Variants in STON2 observed in about 807,000 individuals in gnomAD.
STON2 encodes stonin-2.
A neutral mutation model predicts 65.7 loss-of-function variants in STON2; 29 were observed. The observed-to-expected ratio is 0.44, with a 90% confidence interval of 0.33 to 0.60. STON2 has a LOEUF of 0.60. Ranked by LOEUF, STON2 falls within the 20% of genes least tolerant of loss-of-function variation. The pLI, the probability that STON2 is intolerant of heterozygous loss-of-function variation, is 0.03. For missense variants in STON2, 1,054 were observed against 1,118.1 expected (o/e 0.94, Z 0.82); for synonymous variants, 404 against 414.2 (o/e 0.98, Z 0.30).
intron 4 of STON2, among the ~76,000 whole-genome samples, chr14:81,338,985 G>A (rs1897485860): frequency 1.3e-5 from 2 of 152,158 alleles, no homozygotes; most frequent in Admixed American, 1.3e-4. Flanking sequence ...AGACCCAAAG[G>A]AGTAAAGCAA....
intron 3 of STON2, among the ~76,000 whole-genome samples, chr14:81,371,735 A>C (rs1213276221): frequency 6.6e-6 from 1 of 151,654 alleles, no homozygotes; most frequent in East Asian, 1.9e-4. Context: ...CCAATCAAAG[A>C]AAATCTCACT....
At position 81,262,028 on chromosome 14, in the gene STON2, T is replaced by G; in HGVS notation, c.*6386A>C. 1 of 1,370,234 alleles carries G rather than the reference T, an allele frequency of 7.3e-7. No individual in the cohort carries two copies. The highest frequency in any genetic ancestry group is 1.5e-5 in the African/African-American group (1 of 68,342). 84.9% of individuals were successfully genotyped at this position (1,370,234 alleles called of 1,614,324 possible). A position where few individuals can be genotyped will look rare whatever the true frequency, so the allele number is the denominator to read the frequency against. On this transcript the variant is annotated 3_prime_UTR_variant, in exon 8 of 8. Coordinates refer to ENST00000614646, the MANE Select transcript of STON2 (RefSeq NM_001394390.1). ...TTCCAATCTTCAAAATTTAAATTTC[T>G]TGGTTCTTATAAACATAGGAAGAGT...
intron 5 of STON2, among the ~76,000 whole-genome samples, chr14:81,293,376 G>A (rs905873796): frequency 6.6e-6 from 1 of 152,050 alleles, no homozygotes; most frequent in African/African-American, 2.4e-5. Flanking sequence ...GTTTCACTAT[G>A]TTGGCCAGGA....
intron 3 of STON2, among the ~76,000 whole-genome samples, chr14:81,385,043 C>CT (rs1291802694): frequency 6.6e-6 from 1 of 152,174 alleles, no homozygotes; most frequent in Non-Finnish European, 1.5e-5. Context: ...TGTTAGGCAA[C>CT]TTCAACGTGG....
At chr14:81,293,416 C>T (rs1394975219) in intron 5 of STON2, among the ~76,000 whole-genome samples, 1 of 152,106 alleles carries the variant, frequency 6.6e-6, no homozygotes, top group East Asian at 1.9e-4. Context: ...TTGTGATCTA[C>T]CTGCCTCGGC....
At chr14:81,406,135 G>A (rs956729800) in intron 2 of STON2, among the ~76,000 whole-genome samples, 10 of 152,116 alleles carry the variant, frequency 6.6e-5, no homozygotes, top group Admixed American at 2.6e-4. Flanking sequence ...CCACACTGTC[G>A]GCTTCCCTAC....
intron 5 of STON2, among the ~76,000 whole-genome samples, chr14:81,322,913 A>G (rs1238064386): frequency 6.6e-6 from 1 of 152,228 alleles, no homozygotes; most frequent in Non-Finnish European, 1.5e-5. Flanking sequence ...CCTGTGCTGC[A>G]TATTCAGAGT....
In STON2 at chr14:81,400,261, T is replaced by C. The variant is rs537467294; in HGVS notation, c.-199+18A>G. On this transcript the variant is annotated intron_variant, in intron 1 of 7. Coordinates refer to ENST00000614646, the MANE Select transcript of STON2 (RefSeq NM_001394390.1). ...GCAAACAGCCTGGAGAGAGCAGGTC[T>C]CCCAAACCAGATCTTACCAGAGAGC... 6.6e-6 allele frequency among the ~76,000 whole-genome samples: 1 copy of C among 152,130 alleles called. No homozygotes were observed. Among genetic ancestry groups the C allele is most frequent in the East Asian group, 1.9e-4 (1 of 5,172 alleles).
chr14:81,325,883 C>A (rs1318451730), intron 4 of STON2, among the ~76,000 whole-genome samples: 2 of 152,022 alleles, frequency 1.3e-5, no homozygotes, highest in Non-Finnish European at 2.9e-5. Context: ...GGACTCACAC[C>A]CCTGTAAACA....
intron 6 of STON2, among the ~76,000 whole-genome samples, chr14:81,273,546 G>C (rs1251758266): frequency 6.6e-6 from 1 of 152,186 alleles, no homozygotes; most frequent in Admixed American, 6.5e-5. Flanking sequence ...CTAAGATTAA[G>C]AAAAACTCTT....
chr14:81,395,743 C>T, intron 3 of STON2, 151 bp downstream of exon 3: 1 of 743,626 alleles, frequency 1.3e-6, no homozygotes. Context: ...AGAATTAAAC[C>T]AGATGAGAAC....
At position 81,277,560 on chromosome 14, in the gene STON2, C is replaced by T. The variant is rs755008666; in HGVS notation, c.1922G>A (p.Ser641Asn). 2 of 1,614,090 alleles carry T rather than the reference C, an allele frequency of 1.2e-6. No homozygotes were observed. The highest frequency in any genetic ancestry group is 2.7e-5 in the African/African-American group (2 of 74,926). Reference protein sequence around the residue: ...DVRDEFSGIVSKGDNQILQHH... With the variant: ...DVRDEFSGIVNKGDNQILQHH... ...CTGGAGAATCTGGTTGTCTCCTTTG[C>T]TCACAATGCCAGAGAATTCATCTCT... The change falls in exon 6 of 8, where the codon AGC (serine) becomes AAC (asparagine). Residue 641 changes from serine (S) to asparagine (N), a missense_variant. Coordinates refer to ENST00000614646, the MANE Select transcript of STON2 (RefSeq NM_001394390.1).
At chr14:81,332,547 G>A (rs1424321654) in intron 4 of STON2, among the ~76,000 whole-genome samples, 1 of 152,102 alleles carries the variant, frequency 6.6e-6, no homozygotes, top group African/African-American at 2.4e-5. Flanking sequence ...TTCCCCACAT[G>A]GGCTTGAGTA....
At position 81,270,265 on chromosome 14, in the gene STON2, T is replaced by C. The variant is rs148466170; in HGVS notation, c.2784+405A>G. The C allele has an allele frequency of 1.1e-3, 603 of 561,070 alleles. 4 individuals are homozygous for C. In the African/African-American group the frequency reaches 0.012, roughly 11 times the overall value. The allele number at this position is 561,070 out of a possible 1,614,324, so 34.8% of individuals were successfully genotyped here. On this transcript the variant is annotated intron_variant, in intron 7 of 7. Transcript: ENST00000614646. ...CATGCCCGGCTAATTTTGTACTTTT[T>C]ATAGAGATGGGGTTTCGCCATGTTG...
intron 5 of STON2, among the ~76,000 whole-genome samples, chr14:81,300,728 T>C (rs1268720228): frequency 1.3e-5 from 2 of 152,274 alleles, no homozygotes; most frequent in East Asian, 3.9e-4. Context: ...GAGTATAAAA[T>C]GGTAAAATCA....
rs370617091 is a variant in STON2, at chr14:81,306,268, C to T, written c.742+17749G>A. ...TTTTTGAGATGGAGTTTCACTCAGT[C>T]GCCCAGGCTGGAGTGCGGTGGTGTG... On this transcript the variant is annotated intron_variant, in intron 5 of 7. Coordinates refer to ENST00000614646, the MANE Select transcript of STON2 (RefSeq NM_001394390.1). 9.2e-4 allele frequency among the ~76,000 whole-genome samples: 115 copies of T among 124,970 alleles called. 3 individuals carry two copies. Among genetic ancestry groups the T allele is most frequent in the Middle Eastern group, 6.4e-3 (1 of 156 alleles). 82.0% of individuals were successfully genotyped at this position (124,970 alleles called of 152,430 possible). A position where few individuals can be genotyped will look rare whatever the true frequency, so the allele number is the denominator to read the frequency against.
Position 81,277,558 on chromosome 14 carries a change from T to C in STON2, c.1924A>G (p.Lys642Glu). The change falls in exon 6 of 8, where the codon AAA (lysine) becomes GAA (glutamate). Residue 642 changes from lysine to glutamate, a missense_variant. By Grantham distance (56) the Lys-to-Glu change is moderately conservative (BLOSUM62 1). Transcript: ENST00000614646. ...TGCTGGAGAATCTGGTTGTCTCCTT[T>C]GCTCACAATGCCAGAGAATTCATCT... ...VRDEFSGIVSKGDNQILQHHV... is the reference protein window; with the variant it reads ...VRDEFSGIVSEGDNQILQHHV... 1 of 1,614,212 alleles carries C rather than the reference T, an allele frequency of 6.2e-7. No homozygotes were observed.
chr14:81,378,840 A>G (rs1899378976), intron 3 of STON2, among the ~76,000 whole-genome samples: 2 of 152,208 alleles, frequency 1.3e-5, no homozygotes, highest in African/African-American at 2.4e-5. Flanking sequence ...AAATCTTACC[A>G]TCATAGTATA....
chr14:81,293,854 C>T (rs1237196414), intron 5 of STON2, among the ~76,000 whole-genome samples: 4 of 152,124 alleles, frequency 2.6e-5, no homozygotes, highest in African/African-American at 7.2e-5. Flanking sequence ...TAGGGGAATG[C>T]TCAAGCACTG....
Sources: gnomAD v4.1 joint callset for allele counts (sites outside exome capture counted in the v4.1 genomes callset) on GRCh38, gnomAD v4.1.1 for gene constraint, MANE v1.5 for transcripts, NCBI Gene and HGNC (gene_info 2026-07-23, HGNC 2026-07-21) for gene names.